CLSTN2: variants seen among roughly 807,000 people sequenced by gnomAD.
CLSTN2 encodes calsyntenin-2.
CLSTN2 carries 48 observed loss-of-function variants against 101.2 expected under a neutral mutation model. That is an observed-to-expected ratio of 0.47 (90% CI 0.38 to 0.60). CLSTN2 has a LOEUF of 0.60. Among genes scored for constraint, CLSTN2 ranks in the 20% least tolerant of loss-of-function variants. The pLI is 0.00. For missense variants in CLSTN2, 1,160 were observed against 1,238.2 expected, an observed-to-expected ratio of 0.94 and a Z score of 0.95; for synonymous variants, 481 against 463.6, an observed-to-expected ratio of 1.04 and a Z score of -0.48.
chr3:140,029,132 C>T (rs550005983), intron 1 of CLSTN2, among the ~76,000 whole-genome samples: 61 of 152,306 alleles, frequency 4.0e-4, no homozygotes, highest in African/African-American at 1.4e-3. Flanking sequence ...ATTGAGTCTA[C>T]TTCCTTTTTT....
chr3:140,405,512 C>G (rs550648893), intron 4 of CLSTN2, among the ~76,000 whole-genome samples: 1 of 152,302 alleles, frequency 6.6e-6, no homozygotes, highest in South Asian at 2.1e-4. Context: ...CAGGCGTGAG[C>G]CACTGTGCCT....
At chr3:140,381,305 A>G (rs1288732514) in intron 2 of CLSTN2, among the ~76,000 whole-genome samples, 1 of 152,144 alleles carries the variant, frequency 6.6e-6, no homozygotes, top group Non-Finnish European at 1.5e-5. Context: ...TAGTGACTTC[A>G]TTTTAACCTG....
intron 1 of CLSTN2, among the ~76,000 whole-genome samples, chr3:140,056,230 A>T (rs1039428089): frequency 1.3e-5 from 2 of 152,172 alleles, no homozygotes; most frequent in Non-Finnish European, 2.9e-5. Flanking sequence ...ACATCATTCA[A>T]TGATGTAACC....
intron 1 of CLSTN2, among the ~76,000 whole-genome samples, chr3:139,996,079 G>A (rs2006649436): frequency 6.6e-6 from 1 of 152,098 alleles, no homozygotes; most frequent in Non-Finnish European, 1.5e-5. Flanking sequence ...ACACCACAGA[G>A]GTGACCATGA....
At chr3:140,315,303 C>T (rs1366534704) in intron 2 of CLSTN2, among the ~76,000 whole-genome samples, 8 of 152,142 alleles carry the variant, frequency 5.3e-5, no homozygotes, top group Admixed American at 2.0e-4. Context: ...ACAACACCTG[C>T]GATCTCCCAG....
intron 2 of CLSTN2, among the ~76,000 whole-genome samples, chr3:140,333,693 TG>T (rs2087411020): frequency 6.7e-6 from 1 of 149,982 alleles, no homozygotes; most frequent in African/African-American, 2.5e-5. Flanking sequence ...TGTGTGTGTG[TG>T]TGTGTGTGTG....
At chr3:140,383,884 C>A (rs1053041485) in intron 2 of CLSTN2, among the ~76,000 whole-genome samples, 5 of 152,166 alleles carry the variant, frequency 3.3e-5, no homozygotes, top group African/African-American at 4.8e-5. Context: ...GTGGAAATCA[C>A]AATAGGCAAA....
intron 1 of CLSTN2, among the ~76,000 whole-genome samples, chr3:140,103,294 C>T (rs2008998208): frequency 6.6e-6 from 1 of 152,216 alleles, no homozygotes. Context: ...TTCTCACTGT[C>T]TTCATCACTC....
intron 2 of CLSTN2, among the ~76,000 whole-genome samples, chr3:140,186,251 C>G (rs895413217): frequency 1.3e-5 from 2 of 152,186 alleles, no homozygotes; most frequent in Non-Finnish European, 2.9e-5. Context: ...CAAGCTTAGA[C>G]AAGTTAATAC....
chr3:140,260,830 T>A (rs187437448), intron 2 of CLSTN2, among the ~76,000 whole-genome samples: 5 of 152,294 alleles, frequency 3.3e-5, no homozygotes, highest in Non-Finnish European at 5.9e-5. Context: ...TTCCTTCTTT[T>A]GGTGACCCTG....
intron 2 of CLSTN2, among the ~76,000 whole-genome samples, chr3:140,191,216 A>T (rs1359658352): frequency 6.6e-6 from 1 of 152,002 alleles, no homozygotes; most frequent in African/African-American, 2.4e-5. Flanking sequence ...AATAACACTG[A>T]TTGATTTTCA....
At chr3:140,501,228 C>T (rs1452842777) in intron 8 of CLSTN2, among the ~76,000 whole-genome samples, 2 of 152,150 alleles carry the variant, frequency 1.3e-5, no homozygotes, top group African/African-American at 2.4e-5. Context: ...GAAATTCCAT[C>T]GCTTCCTCAT....
At chr3:140,307,230 G>C (rs906032249) in intron 2 of CLSTN2, among the ~76,000 whole-genome samples, 3 of 152,020 alleles carry the variant, frequency 2.0e-5, no homozygotes, top group Non-Finnish European at 4.4e-5. Flanking sequence ...TGCCCACTCG[G>C]GTGTGTCTTT....
At chr3:140,229,434 C>T (rs9839825) in intron 2 of CLSTN2, among the ~76,000 whole-genome samples, 8,868 of 152,056 alleles carry the variant, frequency 0.058, 434 homozygotes, top group East Asian at 0.13. Flanking sequence ...GGGTCTGAGA[C>T]GCCACATTCC....
intron 1 of CLSTN2, among the ~76,000 whole-genome samples, chr3:139,977,544 C>T (rs560030698): frequency 6.6e-6 from 1 of 152,140 alleles, no homozygotes; most frequent in African/African-American, 2.4e-5. Flanking sequence ...ATGAATGTCT[C>T]AGGAACCTGC....
intron 1 of CLSTN2, among the ~76,000 whole-genome samples, chr3:140,012,627 G>A (rs2007107725): frequency 6.6e-6 from 1 of 152,176 alleles, no homozygotes; most frequent in Non-Finnish European, 1.5e-5. Context: ...TAACTCATGG[G>A]CAGAACTGCA....
chr3:140,556,577 G>T lies in CLSTN2; in HGVS notation c.1739G>T (p.Arg580Leu), dbSNP rs763069612. ...MEGDDIGNIN[R>L]ALQKVSYINS... ...GGTGACGACATTGGGAACATTAACC[G>T]TGCTCTCCAGAAAGTCTCCTACATC... Residue 580 changes from arginine (R) to leucine (L), a missense_variant, in exon 11 of 17, where the codon CGT (arginine) becomes CTT (leucine). By Grantham distance (102) the Arg-to-Leu change is moderately radical. Coordinates refer to ENST00000458420, the MANE Select transcript of CLSTN2 (RefSeq NM_022131.3). 6.2e-7 allele frequency: 1 copy of T among 1,614,048 alleles called. No individual in the cohort carries two copies. The highest frequency in any genetic ancestry group is 8.5e-7 in the Non-Finnish European group (1 of 1,179,968).
intron 1 of CLSTN2, among the ~76,000 whole-genome samples, chr3:139,941,100 T>C (rs554632998): frequency 6.6e-6 from 1 of 152,314 alleles, no homozygotes; most frequent in South Asian, 2.1e-4. Context: ...AGCTATGATA[T>C]TCAAATAACA....
At chr3:139,999,799 A>T (rs771041407) in intron 1 of CLSTN2, among the ~76,000 whole-genome samples, 6 of 152,010 alleles carry the variant, frequency 3.9e-5, no homozygotes, top group Non-Finnish European at 7.4e-5. Context: ...TGTGTGAATT[A>T]TATGTATGGT....
Sources: gnomAD v4.1 joint callset for allele counts (sites outside exome capture counted in the v4.1 genomes callset) on GRCh38, gnomAD v4.1.1 for gene constraint, MANE v1.5 for transcripts, NCBI Gene and HGNC (gene_info 2026-07-23, HGNC 2026-07-21) for gene names.